The following FAM184A variants were observed in gnomAD, a reference collection of about 807,000 sequenced individuals.
FAM184A encodes the protein family with sequence similarity 184 member A, also known as protein FAM184A.
In FAM184A, 99 loss-of-function variants were observed where a neutral mutation model predicts 143.8. The observed-to-expected ratio is 0.69, with a 90% CI of 0.58 to 0.81. The LOEUF (loss-of-function observed/expected upper bound fraction) is 0.81. FAM184A is among the 40% of genes least tolerant of loss of function. FAM184A has a pLI of 0.00. For synonymous variants in FAM184A, 427 were observed against 446.4 expected (o/e 0.96, Z 0.55); for missense variants, 1,217 against 1,310.5 (o/e 0.93, Z 1.10).
At chr6:119,020,418 G>GT (rs1439672858) in intron 3 of FAM184A, among the ~76,000 whole-genome samples, 88 of 150,336 alleles carry the variant, frequency 5.9e-4, no homozygotes, top group East Asian at 1.9e-3. Flanking sequence ...CCGTTTTACT[G>GT]GTTTTTTTTG....
intron 11 of FAM184A, 119 bp downstream of exon 11, chr6:118,979,246 T>C: frequency 1.1e-6 from 1 of 916,736 alleles, no homozygotes; most frequent in Non-Finnish European, 1.6e-6. Flanking sequence ...GCAGTACACT[T>C]AGATATTCAT....
intron 1 of FAM184A, among the ~76,000 whole-genome samples, chr6:119,052,557 A>G (rs1002402400): frequency 2.0e-5 from 3 of 152,242 alleles, no homozygotes; most frequent in Non-Finnish European, 2.9e-5. Context: ...AACATAAATC[A>G]TAACAGAACC....
chr6:119,056,089 C>T (rs903283011), intron 1 of FAM184A, among the ~76,000 whole-genome samples: 1 of 152,020 alleles, frequency 6.6e-6, no homozygotes, highest in African/African-American at 2.4e-5. Flanking sequence ...TGAAAGGAAA[C>T]TTTGCAAAAA....
chr6:119,059,940 C>A (rs896760823), intron 1 of FAM184A, among the ~76,000 whole-genome samples: 4 of 152,108 alleles, frequency 2.6e-5, no homozygotes, highest in African/African-American at 9.7e-5. Flanking sequence ...CAAACCATTG[C>A]ATTTTTATAA....
intron 1 of FAM184A, among the ~76,000 whole-genome samples, chr6:119,127,576 G>A (rs1789405409): frequency 6.6e-6 from 1 of 152,212 alleles, no homozygotes; most frequent in Admixed American, 6.5e-5. Flanking sequence ...ATCTAATTAT[G>A]TGATCCCGGT....
At chr6:119,043,787 T>G (rs750295177) in intron 1 of FAM184A, among the ~76,000 whole-genome samples, 1 of 152,208 alleles carries the variant, frequency 6.6e-6, no homozygotes. Context: ...GCTCAAACAG[T>G]GGTCTGCAAC....
At position 119,003,650 on chromosome 6, in the gene FAM184A, A is replaced by T. The variant is rs377695492; in HGVS notation, c.1816-28T>A. The T allele has an allele frequency of 7.3e-5, 115 of 1,575,116 alleles. No individual in the cohort carries two copies. The African/African-American group carries it at 1.5e-3, about 20-fold the overall frequency. ...GAAGAATAAAAACTTTTCAATGAAG[A>T]CTAAACTTCAAAAACAAACACTGCT... On this transcript the variant is annotated intron_variant, in intron 7 of 17. Coordinates refer to ENST00000338891, the MANE Select transcript of FAM184A (RefSeq NM_024581.6).
At chr6:118,966,206 T>C (rs1783496369) in intron 15 of FAM184A, among the ~76,000 whole-genome samples, 1 of 152,224 alleles carries the variant, frequency 6.6e-6, no homozygotes, top group African/African-American at 2.4e-5. Flanking sequence ...CAGCTGAAGA[T>C]ATGAATGGTT....
rs552024730 is a variant in FAM184A at position 118,974,513 on chromosome 6, G to A, written c.2830C>T (p.His944Tyr). 2.5e-6 allele frequency: 4 copies of A among 1,611,274 alleles called. No homozygotes were observed. In the African/African-American group the frequency reaches 5.3e-5, roughly 22 times the overall value. ...EKELDVMTAD[H>Y]LREKNIMRAD... ...CGCATGATATTTTTCTCTCTGAGGT[G>A]GTCTGCTGTCATGACATCCAACTCT... The change falls in exon 14 of 18, where the codon CAC becomes TAC. Residue 944 changes from histidine (H) to tyrosine (Y), a missense_variant. His to Tyr is a moderately conservative substitution (Grantham distance 83). Coordinates refer to ENST00000338891, the MANE Select transcript of FAM184A (RefSeq NM_024581.6).
intron 1 of FAM184A, among the ~76,000 whole-genome samples, chr6:119,060,040 C>T (rs1787167300): frequency 1.3e-5 from 2 of 152,218 alleles, no homozygotes; most frequent in South Asian, 2.1e-4. Flanking sequence ...TTGTAACTAC[C>T]TGGCAGAAAA....
At chr6:118,974,307 TA>T in intron 14 of FAM184A, 120 bp downstream of exon 14, 1 of 874,642 alleles carries the variant, frequency 1.1e-6, no homozygotes, top group Non-Finnish European at 1.7e-6. Flanking sequence ...AACACAGCAC[TA>T]AAATTTTCTT....
intron 1 of FAM184A, among the ~76,000 whole-genome samples, chr6:119,144,093 C>T (rs943181166): frequency 4.0e-5 from 6 of 151,150 alleles, no homozygotes; most frequent in African/African-American, 7.3e-5. Context: ...TTTGGGAGGC[C>T]GAGGCGGGTG....
chr6:119,027,886 A>C (rs1249912052), intron 1 of FAM184A, among the ~76,000 whole-genome samples: 1 of 152,192 alleles, frequency 6.6e-6, no homozygotes, highest in Non-Finnish European at 1.5e-5. Context: ...CTAGCAAGTC[A>C]GCATTTTTCT....
rs555307821 is a variant in FAM184A, at chr6:119,140,060, T to C, written c.-202+9018A>G. Among the ~76,000 whole-genome samples, 93 of 151,808 alleles carry C rather than the reference T, an allele frequency of 6.1e-4. No individual in the cohort carries two copies. In the South Asian group the frequency reaches 0.019, roughly 31 times the overall value. The stretch of plus-strand genomic sequence containing the variant: ...GGGCTTAAGGACTGGCAGTGGGGAG[T>C]TGCTAAAAATGTGTGGGTCTTCATC... On this transcript the variant is annotated intron_variant, in intron 1 of 16. Coordinates refer to the FAM184A transcript ENST00000352896.
At chr6:119,025,686 T>C (rs1785607918) in intron 1 of FAM184A, 1 of 497,682 alleles carries the variant, frequency 2.0e-6, no homozygotes, top group Non-Finnish European at 4.0e-6. Context: ...GGTCACACGG[T>C]GAAATTTTCA....
upstream of FAM184A, among the ~76,000 whole-genome samples, chr6:119,080,682 A>C (rs1169781865): frequency 2.0e-5 from 3 of 152,184 alleles, no homozygotes; most frequent in African/African-American, 4.8e-5. Flanking sequence ...CAAATCCAAA[A>C]ATCTGAAATC....
At chr6:118,991,376 G>T (rs1397164799) in intron 9 of FAM184A, among the ~76,000 whole-genome samples, 1 of 151,956 alleles carries the variant, frequency 6.6e-6, no homozygotes, top group East Asian at 1.9e-4. Flanking sequence ...GGCCAGGCTG[G>T]TCACGAACTC....
chr6:119,011,285 G>A (rs1285576939), intron 6 of FAM184A, 24 bp downstream of exon 6: 6 of 1,594,764 alleles, frequency 3.8e-6, no homozygotes, highest in Non-Finnish European at 5.1e-6. Flanking sequence ...TATAACATAG[G>A]CAACAGGTCT....
rs1785572529 is a variant in FAM184A, at chr6:119,024,804, C to T, written c.169G>A (p.Ala57Thr). Residue 57 changes from alanine (A) to threonine (T), a missense_variant, in exon 2 of 18, where the codon GCT (alanine) becomes ACT (threonine). Transcript: ENST00000338891. ...TGCTCATCATTTTTAGTGTTTAAAGCATATATTACCTGCATGGTTTTGAAT... is the reference window on the plus strand; with the variant it reads ...TGCTCATCATTTTTAGTGTTTAAAGTATATATTACCTGCATGGTTTTGAAT... The part of the protein sequence containing the change: ...KIAQLTKVIY[A>T]LNTKNDEHES... The T allele has an allele frequency of 6.3e-7, 1 of 1,592,262 alleles. No individual in the cohort carries two copies. Among genetic ancestry groups the T allele is most frequent in the Non-Finnish European group, 8.5e-7 (1 of 1,171,854 alleles).
Sources: gnomAD v4.1 joint callset for allele counts (sites outside exome capture counted in the v4.1 genomes callset) on GRCh38, gnomAD v4.1.1 for gene constraint, MANE v1.5 for transcripts, NCBI Gene and HGNC (gene_info 2026-07-23, HGNC 2026-07-21) for gene names.